CASK: variants seen among roughly 807,000 people sequenced by gnomAD.
CASK encodes peripheral plasma membrane protein CASK.
A neutral mutation model predicts 82.9 loss-of-function variants in CASK; 4 were observed. The observed-to-expected ratio is 0.05, with a 90% CI of 0.02 to 0.11. The LOEUF (loss-of-function observed/expected upper bound fraction) is 0.11, where lower values mean the gene tolerates loss of function less well. Among genes scored for constraint, CASK ranks in the 10% least tolerant of loss-of-function variants. The pLI is 1.00. For missense variants in CASK, 358 were observed against 720.9 expected (o/e 0.50, Z 5.76); for synonymous variants, 259 against 253.5 (o/e 1.02, Z -0.20).
rs752452961 is a variant in CASK at position 41,894,678 on chromosome X, G to C, written c.59+28252C>G. ...AAAGGAGGTGAAAAGCAGACCCAGA[G>C]CAATTCCAAGTTCAAAGTCATTCAG... is the stretch of plus-strand genomic sequence containing the variant. On this transcript the variant is annotated intron_variant, in intron 1 of 26. Transcript: ENST00000378163. Among the ~76,000 whole-genome samples, 8 of 107,600 alleles carry C rather than the reference G, an allele frequency of 7.4e-5. 1 individual carries two copies. In the South Asian group the frequency reaches 3.3e-3, roughly 44 times the overall value. 93.4% of individuals were successfully genotyped at this position (107,600 alleles called of 115,157 possible). A position where few individuals can be genotyped will look rare whatever the true frequency, so the allele number is the denominator to read the frequency against.
Position 41,626,622 on chromosome X carries a change from C to G in CASK, c.997G>C (p.Glu333Gln). ...DPPEELPDFS[E>Q]DPTSSGLLAA... Reference sequence around the variant, plus strand: ...CAATTACCTGAGGAGGTAGGGTCTTCGGAGAAATCTGGTAACTCTTCAGGG... The same window carrying G: ...CAATTACCTGAGGAGGTAGGGTCTTGGGAGAAATCTGGTAACTCTTCAGGG... The change falls in exon 10 of 27, where the codon GAA becomes CAA. Residue 333 changes from glutamate (E) to glutamine (Q), a missense_variant. Glu to Gln is a conservative substitution (Grantham distance 29). Coordinates refer to ENST00000378163, the MANE Select transcript of CASK (RefSeq NM_001367721.1). The G allele has an allele frequency of 8.4e-7, 1 of 1,194,553 alleles. No individual in the cohort carries two copies. The highest frequency in any genetic ancestry group is 1.1e-6 in the Non-Finnish European group (1 of 879,778).
At chrX:41,564,071 C>T (rs1051841958) in intron 16 of CASK, among the ~76,000 whole-genome samples, 6 of 111,487 alleles carry the variant, frequency 5.4e-5, no homozygotes, top group African/African-American at 2.0e-4. Context: ...TCGGGCAGTA[C>T]ATAAAAAAGA....
chrX:41,922,110 G>A (rs2072793447), intron 1 of CASK, among the ~76,000 whole-genome samples: 1 of 111,461 alleles, frequency 9.0e-6, no homozygotes, highest in East Asian at 2.8e-4. Context: ...ATAGATTTAA[G>A]GAATGGACAA....
At chrX:41,889,777 T>A (rs986373959) in intron 1 of CASK, among the ~76,000 whole-genome samples, 3 of 111,591 alleles carry the variant, frequency 2.7e-5, no homozygotes. Flanking sequence ...CCTTAAAGAG[T>A]ATTATGCCTA....
intron 5 of CASK, among the ~76,000 whole-genome samples, chrX:41,714,079 G>A (rs1326083553): frequency 2.7e-5 from 3 of 111,843 alleles, no homozygotes; most frequent in Non-Finnish European, 5.6e-5. Context: ...CCTCTGCTGG[G>A]GATTCAAAGC....
intron 11 of CASK, among the ~76,000 whole-genome samples, chrX:41,614,075 A>G (rs1222312520): frequency 8.9e-6 from 1 of 112,319 alleles, no homozygotes; most frequent in African/African-American, 3.2e-5. Flanking sequence ...GTTTCCTCCA[A>G]TAGTAACATC....
At chrX:41,567,590 C>G (rs1411381332) in intron 16 of CASK, among the ~76,000 whole-genome samples, 30 of 111,905 alleles carry the variant, frequency 2.7e-4, no homozygotes, top group African/African-American at 9.4e-4. Context: ...CAGGAAACAA[C>G]AGGTGCTGGA....
At chrX:41,869,737 C>T (rs1191634435) in intron 1 of CASK, among the ~76,000 whole-genome samples, 1 of 90,168 alleles carries the variant, frequency 1.1e-5, no homozygotes, top group African/African-American at 4.2e-5. Context: ...TGCTTGAACC[C>T]GGGAGGCAGA....
At chrX:41,914,726 T>C (rs767604936) in intron 1 of CASK, among the ~76,000 whole-genome samples, 1 of 112,279 alleles carries the variant, frequency 8.9e-6, no homozygotes, top group Non-Finnish European at 1.9e-5. Flanking sequence ...TTGACAGTCA[T>C]GCACAAGCTC....
At chrX:41,776,700 A>T (rs2069371513) in intron 3 of CASK, among the ~76,000 whole-genome samples, 1 of 112,410 alleles carries the variant, frequency 8.9e-6, no homozygotes, top group South Asian at 3.6e-4. Flanking sequence ...ATACCTAAGA[A>T]TAAATCTGAC....
intron 5 of CASK, among the ~76,000 whole-genome samples, chrX:41,692,400 T>C (rs1048906975): frequency 4.5e-5 from 5 of 111,866 alleles, no homozygotes; most frequent in African/African-American, 1.6e-4. Context: ...TAATCCCTTC[T>C]ACAAAGAACC....
intron 3 of CASK, among the ~76,000 whole-genome samples, chrX:41,782,830 C>CT (rs1291956845): frequency 1.8e-5 from 2 of 112,085 alleles, no homozygotes; most frequent in Non-Finnish European, 3.8e-5. Flanking sequence ...GTGATCATTA[C>CT]TTTATATAGT....
At chrX:41,761,078 TCTC>T (rs1014816723) in intron 3 of CASK, among the ~76,000 whole-genome samples, 4 of 111,725 alleles carry the variant, frequency 3.6e-5, no homozygotes, top group African/African-American at 1.3e-4. Context: ...AGAAATAAGT[TCTC>T]CTTCTTGCTC....
chrX:41,685,194 A>G (rs1215493430), intron 5 of CASK, among the ~76,000 whole-genome samples: 1 of 111,949 alleles, frequency 8.9e-6, no homozygotes, highest in Non-Finnish European at 1.9e-5. Flanking sequence ...ATTTGTTTCA[A>G]CTAGATTTTG....
At chrX:41,764,209 CT>C (rs199601188) in intron 3 of CASK, among the ~76,000 whole-genome samples, 9 of 108,333 alleles carry the variant, frequency 8.3e-5, no homozygotes, top group African/African-American at 1.0e-4. Flanking sequence ...TCCTGATACA[CT>C]TTTTTTTTTC....
In CASK at chrX:41,823,267, AAGAGGGGCCCACCCTCC is replaced by A. The variant is rs1195735867; in HGVS notation, c.172+29831_172+29847del. Among the ~76,000 whole-genome samples, 14 of 109,071 alleles carry A rather than the reference AAGAGGGGCCCACCCTCC, an allele frequency of 1.3e-4. No individual in the cohort carries two copies. The South Asian group carries it at 4.1e-3, about 32-fold the overall frequency. 94.7% of individuals were successfully genotyped at this position (109,071 alleles called of 115,157 possible). A position where few individuals can be genotyped will look rare whatever the true frequency, so the allele number is the denominator to read the frequency against. ...CTTGACTTTCTTTTGGTCTTGATGG[AAGAGGGGCCCACCCTCC>A]ACCTGCTGCCTATCGAAGATCTCAG... On this transcript the variant is annotated intron_variant, in intron 2 of 26. Transcript: ENST00000378163.
Position 41,553,933 on chromosome X carries a change from G to A in CASK, c.1843-18C>T, listed in dbSNP as rs752063002. 6.3e-6 allele frequency: 7 copies of A among 1,118,110 alleles called. No individual in the cohort carries two copies. The highest frequency in any genetic ancestry group is 7.4e-6 in the Non-Finnish European group (6 of 813,165). The allele number at this position is 1,118,110 out of a possible 1,213,427, so 92.1% of individuals were successfully genotyped here. Reference sequence around the variant, plus strand: ...ACATAGATCTATAAAACAGGAGTTCGTAAGAAAGGATGCCATAGTGATGTG... The same window carrying A: ...ACATAGATCTATAAAACAGGAGTTCATAAGAAAGGATGCCATAGTGATGTG... On this transcript the variant is annotated intron_variant, in intron 20 of 26. Coordinates refer to ENST00000378163, the MANE Select transcript of CASK (RefSeq NM_001367721.1).
At chrX:41,568,077 T>C (rs1441608398) in intron 16 of CASK, among the ~76,000 whole-genome samples, 7 of 19,169 alleles carry the variant, frequency 3.7e-4, no homozygotes, top group African/African-American at 4.6e-4. Flanking sequence ...CATCACACAC[T>C]GGGGCCTGTC....
chrX:41,794,632 AG>A (rs923350779), intron 2 of CASK, among the ~76,000 whole-genome samples: 1 of 112,310 alleles, frequency 8.9e-6, no homozygotes, highest in African/African-American at 3.2e-5. Flanking sequence ...CATACATGTT[AG>A]AGCCCGAAGG....
Sources: allele counts gnomAD v4.1 joint callset (sites outside exome capture counted in the v4.1 genomes callset), GRCh38; gene constraint gnomAD v4.1.1; transcripts MANE v1.5; gene names NCBI Gene and HGNC (gene_info 2026-07-23, HGNC 2026-07-21).